HEPHL1: variants seen among roughly 807,000 people sequenced by gnomAD.
HEPHL1 encodes the protein hephaestin like 1.
A neutral mutation model predicts 122.0 loss-of-function variants in HEPHL1; 123 were observed. That is an observed-to-expected ratio of 1.01 (90% CI 0.87 to 1.17). HEPHL1 has a LOEUF of 1.17. HEPHL1 is among the 50% of genes most tolerant of loss of function. The pLI is 0.00. For missense variants in HEPHL1, 1,452 were observed against 1,430.5 expected, an observed-to-expected ratio of 1.01 and a Z score of -0.24; for synonymous variants, 527 against 508.9, an observed-to-expected ratio of 1.04 and a Z score of -0.48.
At chr11:94,049,643 C>T (rs1205145948) in intron 2 of HEPHL1, among the ~76,000 whole-genome samples, 1 of 146,834 alleles carries the variant, frequency 6.8e-6, no homozygotes, top group Non-Finnish European at 1.5e-5. Context: ...AATCAATGAC[C>T]ATAAGTATAA....
At chr11:94,053,915 G>A (rs1297064896) in intron 2 of HEPHL1, among the ~76,000 whole-genome samples, 2 of 152,152 alleles carry the variant, frequency 1.3e-5, no homozygotes, top group Non-Finnish European at 2.9e-5. Flanking sequence ...TGTAAAGAGG[G>A]TATATTCTAC....
At chr11:94,022,076 G>A (rs934136197) in intron 1 of HEPHL1, among the ~76,000 whole-genome samples, 4 of 152,170 alleles carry the variant, frequency 2.6e-5, no homozygotes, top group African/African-American at 7.2e-5. Context: ...GCTTTCACTG[G>A]TAAAAAGTTT....
intron 2 of HEPHL1, chr11:94,055,270 G>A: frequency 3.5e-6 from 1 of 283,520 alleles, no homozygotes; most frequent in Non-Finnish European, 7.0e-6. Context: ...TCTGATTCCT[G>A]TTGAGCCACC....
intron 2 of HEPHL1, among the ~76,000 whole-genome samples, chr11:94,062,240 CCTTAA>C (rs945197815): frequency 1.7e-4 from 26 of 152,012 alleles, no homozygotes; most frequent in Admixed American, 1.2e-3. Flanking sequence ...AGGAGTGTTA[CCTTAA>C]CTTAATAAAA....
chr11:94,088,261 A>G (rs1946233979), intron 11 of HEPHL1, among the ~76,000 whole-genome samples: 1 of 152,238 alleles, frequency 6.6e-6, no homozygotes, highest in Non-Finnish European at 1.5e-5. Flanking sequence ...ATGAAGTAAT[A>G]CATTTGGCTT....
At chr11:94,100,486 C>A (rs551435560) in intron 13 of HEPHL1, among the ~76,000 whole-genome samples, 1 of 152,190 alleles carries the variant, frequency 6.6e-6, no homozygotes, top group African/African-American at 2.4e-5. Flanking sequence ...TTGCTTCCAA[C>A]AGAAATGCAC....
At chr11:94,059,333 A>G (rs986925241) in intron 2 of HEPHL1, among the ~76,000 whole-genome samples, 1 of 152,156 alleles carries the variant, frequency 6.6e-6, no homozygotes, top group Non-Finnish European at 1.5e-5. Flanking sequence ...TAATTTGAAA[A>G]ATAGTTTCAA....
chr11:94,081,470 CAT>C (rs1265476299), intron 9 of HEPHL1, among the ~76,000 whole-genome samples: 22 of 152,164 alleles, frequency 1.4e-4, no homozygotes. Flanking sequence ...GAAAAGAAAA[CAT>C]AGTCATCTCT....
Position 94,067,650 on chromosome 11 carries a change from TGTC to T in HEPHL1, c.967_969del (p.Val323del), listed in dbSNP as rs754809301. 33 of 1,613,718 alleles carry T rather than the reference TGTC, an allele frequency of 2.0e-5. No homozygotes were observed. The East Asian group carries it at 6.7e-4, about 33-fold the overall frequency. ...TCATCAGCAGAGGGCATCGGACTGATGTCGTCAACCTGTTCCCAGCCACCTTCC... is the reference window on the plus strand; with the variant it reads ...TCATCAGCAGAGGGCATCGGACTGATGTCAACCTGTTCCCAGCCACCTTCC... On this transcript the variant is annotated inframe_deletion, in exon 5 of 20. Coordinates refer to ENST00000315765, the MANE Select transcript of HEPHL1 (RefSeq NM_001098672.2).
rs1274443819 is a variant in HEPHL1, at chr11:94,110,944, T to C, written c.3087T>C (p.Pro1029=). ...SYREDVYDLF[P]GTFQTIELFA... Reference sequence around the variant, plus strand: ...GAGAAGATGTGTATGATCTCTTTCCTGGGACATTCCAAACCATTGAACTGT... The same window carrying C: ...GAGAAGATGTGTATGATCTCTTTCCCGGGACATTCCAAACCATTGAACTGT... Residue 1029 remains proline (P), a synonymous_variant, in exon 18 of 20, where the codon CCT becomes CCC. Transcript: ENST00000315765. The C allele has an allele frequency of 2.5e-6, 4 of 1,613,276 alleles. No individual in the cohort carries two copies. In the Admixed American group the frequency reaches 5.0e-5, roughly 20 times the overall value.
chr11:94,059,586 G>A (rs751054065), intron 2 of HEPHL1, among the ~76,000 whole-genome samples: 17 of 152,220 alleles, frequency 1.1e-4, no homozygotes, highest in Middle Eastern at 3.4e-3. Context: ...AATAAATAGT[G>A]TTTTATACTT....
chr11:94,069,327 C>T (rs1375773466), intron 5 of HEPHL1, among the ~76,000 whole-genome samples: 1 of 152,052 alleles, frequency 6.6e-6, no homozygotes, highest in Non-Finnish European at 1.5e-5. Context: ...TGCTATGTTG[C>T]CCAGGCTGGT....
intron 8 of HEPHL1, among the ~76,000 whole-genome samples, chr11:94,074,104 G>T (rs1290351053): frequency 6.6e-6 from 1 of 152,006 alleles, no homozygotes; most frequent in Non-Finnish European, 1.5e-5. Flanking sequence ...TGGCTTCCTG[G>T]GATACTCTTC....
chr11:94,093,579 G>A lies in HEPHL1; in HGVS notation c.2373G>A (p.Thr791=), dbSNP rs368323753. ...AGAAGGTGGTTTACAGGGAATATAC[G>A]GATGGAGAATTTGTGGAGATCAAAG... The part of the protein sequence containing the change: ...QYKKVVYREY[T]DGEFVEIKAR... The change falls in exon 13 of 20, where the codon ACG becomes ACA. Residue 791 remains threonine (T), a synonymous_variant. Transcript: ENST00000315765. 1.3e-5 allele frequency: 21 copies of A among 1,613,716 alleles called. No individual in the cohort carries two copies. The African/African-American group carries it at 1.7e-4, about 13-fold the overall frequency.
At chr11:94,044,763 CTT>C (rs112232970) in intron 1 of HEPHL1, among the ~76,000 whole-genome samples, 35 of 136,292 alleles carry the variant, frequency 2.6e-4, no homozygotes, top group Admixed American at 5.2e-4. Context: ...TTCTCCAAAC[CTT>C]TTTTTTTTTT....
intron 17 of HEPHL1, among the ~76,000 whole-genome samples, chr11:94,109,210 G>A (rs1193040798): frequency 6.6e-6 from 1 of 152,060 alleles, no homozygotes; most frequent in Non-Finnish European, 1.5e-5. Flanking sequence ...TGTTGACCTT[G>A]CATCCTGCAT....
chr11:94,068,216 A>ACTC, intron 5 of HEPHL1, among the ~76,000 whole-genome samples: 1 of 152,314 alleles, frequency 6.6e-6, no homozygotes, highest in Admixed American at 6.5e-5. Context: ...ACTGGGAAAA[A>ACTC]CACATGTTCT....
intron 1 of HEPHL1, among the ~76,000 whole-genome samples, chr11:94,043,744 T>C (rs1945808511): frequency 6.6e-6 from 1 of 151,854 alleles, no homozygotes; most frequent in South Asian, 2.1e-4. Flanking sequence ...TGTTCGAGAG[T>C]ATACTGAAGC....
intron 2 of HEPHL1, chr11:94,055,201 G>A: frequency 3.8e-6 from 1 of 259,832 alleles, no homozygotes; most frequent in Non-Finnish European, 7.8e-6. Flanking sequence ...GACTCCCTTG[G>A]CAGAGATGAT....
Sources: gnomAD v4.1 joint callset for allele counts (sites outside exome capture counted in the v4.1 genomes callset) on GRCh38, gnomAD v4.1.1 for gene constraint, MANE v1.5 for transcripts, NCBI Gene and HGNC (gene_info 2026-07-23, HGNC 2026-07-21) for gene names.